The following IRAK1BP1 variants were observed in gnomAD, a reference collection of about 807,000 sequenced individuals.
IRAK1BP1 encodes interleukin-1 receptor-associated kinase 1-binding protein 1.
Under a neutral mutation model 28.0 loss-of-function variants are expected in IRAK1BP1, and 24 were observed. That is an observed-to-expected ratio of 0.86 (90% CI 0.62 to 1.20). IRAK1BP1 has a LOEUF of 1.20. IRAK1BP1 is among the 50% of genes most tolerant of loss of function. The pLI, the probability that IRAK1BP1 is intolerant of heterozygous loss-of-function variation, is 0.00. For synonymous variants in IRAK1BP1, 131 were observed against 116.3 expected (o/e 1.13, Z -0.81); for missense variants, 336 against 316.7 (o/e 1.06, Z -0.46).
At chr6:78,887,637 G>A (rs770576310) in intron 2 of IRAK1BP1, among the ~76,000 whole-genome samples, 11 of 152,216 alleles carry the variant, frequency 7.2e-5, no homozygotes, top group Non-Finnish European at 1.6e-4. Flanking sequence ...CTGCACTCCA[G>A]CCTGGGCGAC....
chr6:78,897,515 G>T (rs1771933394), intron 2 of IRAK1BP1, among the ~76,000 whole-genome samples: 1 of 152,124 alleles, frequency 6.6e-6, no homozygotes, highest in African/African-American at 2.4e-5. Flanking sequence ...AAGGAATCAT[G>T]CTAGTTATCA....
At chr6:78,966,699 C>A in the IRAK1BP1 span, among the ~76,000 whole-genome samples, 1 of 152,194 alleles carries the variant, frequency 6.6e-6, no homozygotes, top group Non-Finnish European at 1.5e-5. Flanking sequence ...TTCCCAAAGA[C>A]CTGAACAAGC....
chr6:78,882,234 T>C (rs1360244221), intron 1 of IRAK1BP1, among the ~76,000 whole-genome samples: 7 of 152,050 alleles, frequency 4.6e-5, no homozygotes, highest in Admixed American at 4.6e-4. Flanking sequence ...AGTAAGAAAG[T>C]GCTCAAAAAG....
the IRAK1BP1 span, among the ~76,000 whole-genome samples, chr6:78,959,075 C>G: frequency 6.6e-6 from 1 of 152,092 alleles, no homozygotes; most frequent in Non-Finnish European, 1.5e-5. Flanking sequence ...TTATGAGATA[C>G]AAAATCATAA....
At chr6:78,883,407 T>C (rs1771301389) in intron 1 of IRAK1BP1, among the ~76,000 whole-genome samples, 1 of 152,208 alleles carries the variant, frequency 6.6e-6, no homozygotes, top group African/African-American at 2.4e-5. Context: ...TTATTACTTT[T>C]TGATTATTTT....
the IRAK1BP1 span, among the ~76,000 whole-genome samples, chr6:78,966,475 CAATCA>C: frequency 3.9e-5 from 6 of 152,256 alleles, no homozygotes; most frequent in East Asian, 1.2e-3. Flanking sequence ...AACCAACAAT[CAATCA>C]AGACTCCACG....
At chr6:78,904,499 T>C (rs907282204), downstream of IRAK1BP1, among the ~76,000 whole-genome samples, 12 of 152,224 alleles carry the variant, frequency 7.9e-5, no homozygotes, top group Non-Finnish European at 1.3e-4. Flanking sequence ...AGTAAACAGA[T>C]GCTTAAATTG....
intron 2 of IRAK1BP1, among the ~76,000 whole-genome samples, chr6:78,891,700 G>A (rs1771670279): frequency 6.6e-6 from 1 of 152,098 alleles, no homozygotes; most frequent in Non-Finnish European, 1.5e-5. Context: ...GGCCTCAGGC[G>A]ATCCGCCTGC....
At chr6:78,878,523 CAAACCACAAAGATGGGGAG>C (rs1156622239) in intron 1 of IRAK1BP1, among the ~76,000 whole-genome samples, 2 of 152,128 alleles carry the variant, frequency 1.3e-5, no homozygotes, top group Non-Finnish European at 2.9e-5. Context: ...AAAGGTAGAT[CAAACCACAAAGATGGGGAG>C]AAACCAGAGC....
downstream of IRAK1BP1, among the ~76,000 whole-genome samples, chr6:78,949,172 C>G (rs1230839635): frequency 6.6e-6 from 1 of 151,932 alleles, no homozygotes; most frequent in East Asian, 1.9e-4. Flanking sequence ...TCCTTTGTTC[C>G]CGGTTTTCTT....
chr6:78,886,541 T>A (rs1771438924), intron 2 of IRAK1BP1, among the ~76,000 whole-genome samples: 1 of 152,118 alleles, frequency 6.6e-6, no homozygotes. Flanking sequence ...TTACAGAGAT[T>A]AAGAGCTGGT....
rs1365717106 is a variant in IRAK1BP1 at position 78,924,797 on chromosome 6, A to G, written c.*68-20611A>G. 2.0e-5 allele frequency among the ~76,000 whole-genome samples: 3 copies of G among 152,248 alleles called. No individual in the cohort carries two copies. The East Asian group carries it at 5.8e-4, about 29-fold the overall frequency. ...ATCAACAAATGTAATCCAGCATATAAACAGAACCAACCATTACTGGGTATA... is the reference window on the plus strand; with the variant it reads ...ATCAACAAATGTAATCCAGCATATAGACAGAACCAACCATTACTGGGTATA... On this transcript the variant is annotated intron_variant and NMD_transcript_variant, in intron 4 of 4. Transcript: ENST00000606868.
chr6:78,878,571 A>G (rs1254146229), intron 1 of IRAK1BP1, among the ~76,000 whole-genome samples: 2 of 152,220 alleles, frequency 1.3e-5, no homozygotes, highest in Admixed American at 6.5e-5. Context: ...TGAAAATTCT[A>G]AAAATCAGAG....
chr6:78,942,793 C>A (rs1016039681), intron 4 of IRAK1BP1, among the ~76,000 whole-genome samples: 2 of 152,146 alleles, frequency 1.3e-5, no homozygotes, highest in African/African-American at 4.8e-5. Context: ...CTACATGAAT[C>A]CCTTGTAATG....
rs1772121314 is a variant in IRAK1BP1 at position 78,902,042 on chromosome 6, T to A, written c.*3708T>A. The A allele has an allele frequency of 6.6e-6, 1 of 152,198 alleles. No individual in the cohort carries two copies. Among genetic ancestry groups the A allele is most frequent in the Non-Finnish European group, 1.5e-5 (1 of 68,036 alleles). The allele number at this position is 152,198 out of a possible 1,614,324, so 9.4% of individuals were successfully genotyped here. A position where few individuals can be genotyped will look rare whatever the true frequency, so the allele number is the denominator to read the frequency against. ...ATCTGCATTACAAAATGAAAGCAAA[T>A]GCTTTATTTATTCCAACAAAAAAAG... On this transcript the variant is annotated 3_prime_UTR_variant, in exon 4 of 4. Coordinates refer to ENST00000369940, the MANE Select transcript of IRAK1BP1 (RefSeq NM_001010844.4).
chr6:78,903,142 G>T (rs911193053), downstream of IRAK1BP1: 2 of 1,140,864 alleles, frequency 1.8e-6, no homozygotes, highest in African/African-American at 3.1e-5. Flanking sequence ...GTGAGAAAAA[G>T]AAGACTAAGA....
chr6:78,877,761 C>T (rs553696829), intron 1 of IRAK1BP1, among the ~76,000 whole-genome samples: 24 of 152,274 alleles, frequency 1.6e-4, no homozygotes, highest in Admixed American at 1.1e-3. Flanking sequence ...CCGTGACAGA[C>T]GGCACCTGGA....
intron 4 of IRAK1BP1, among the ~76,000 whole-genome samples, chr6:78,943,989 TTAAAAAAA>T (rs1167369503): frequency 6.4e-5 from 3 of 46,822 alleles, no homozygotes; most frequent in African/African-American, 2.1e-4. Context: ...CTGTCTTTTT[TTAAAAAAA>T]AAAAAAAAAA....
At chr6:78,924,086 A>G (rs904111816) in intron 4 of IRAK1BP1, among the ~76,000 whole-genome samples, 5 of 152,262 alleles carry the variant, frequency 3.3e-5, no homozygotes. Context: ...AACTGAAGGA[A>G]ATAGAGACAC....
Sources: gnomAD v4.1 joint callset for allele counts (sites outside exome capture counted in the v4.1 genomes callset) on GRCh38, gnomAD v4.1.1 for gene constraint, MANE v1.5 for transcripts, NCBI Gene and HGNC (gene_info 2026-07-23, HGNC 2026-07-21) for gene names.